PAK5: variants seen among roughly 807,000 people sequenced by gnomAD.
The protein encoded by PAK5 is p21 (RAC1) activated kinase 5.
PAK5 carries 16 observed loss-of-function variants against 65.9 expected under a neutral mutation model. The observed-to-expected ratio is 0.24, with a 90% confidence interval of 0.16 to 0.37. The LOEUF is 0.37. PAK5 is among the 10% of genes least tolerant of loss of function. PAK5 has a pLI of 1.00. For synonymous variants in PAK5, 371 were observed against 354.9 expected (o/e 1.05, Z -0.51); for missense variants, 785 against 903.9 (o/e 0.87, Z 1.69).
chr20:9,827,104 T>C (rs977174400), intron 1 of PAK5, among the ~76,000 whole-genome samples: 1 of 152,250 alleles, frequency 6.6e-6, no homozygotes, highest in Non-Finnish European at 1.5e-5. Flanking sequence ...CTCTACCTCT[T>C]TTTTATTCAC....
chr20:9,602,848 C>T (rs938433369), intron 3 of PAK5, among the ~76,000 whole-genome samples: 2 of 152,164 alleles, frequency 1.3e-5, no homozygotes, highest in African/African-American at 4.8e-5. Context: ...CTTTAGCAGG[C>T]AAAACTATCC....
chr20:9,660,700 G>A (rs746003506), intron 2 of PAK5, among the ~76,000 whole-genome samples: 17 of 152,088 alleles, frequency 1.1e-4, no homozygotes, highest in African/African-American at 3.1e-4. Flanking sequence ...AAAGGATACC[G>A]TTCATTAGAG....
At chr20:9,748,759 TA>T (rs1015195887) in intron 1 of PAK5, among the ~76,000 whole-genome samples, 11 of 152,092 alleles carry the variant, frequency 7.2e-5, no homozygotes, top group Non-Finnish European at 1.3e-4. Flanking sequence ...AAATGTTCCA[TA>T]AAAAAACATA....
chr20:9,772,475 T>C (rs984720924), intron 1 of PAK5, among the ~76,000 whole-genome samples: 5 of 146,168 alleles, frequency 3.4e-5, no homozygotes, highest in African/African-American at 1.3e-4. Context: ...TGGTCAGAGG[T>C]CAATGACACC....
chr20:9,786,670 CTAAGATACACCTATATA>C (rs1569087416), intron 1 of PAK5, among the ~76,000 whole-genome samples: 41 of 152,186 alleles, frequency 2.7e-4, no homozygotes, highest in African/African-American at 9.6e-4. Context: ...TAAATATACT[CTAAGATACACCTATATA>C]ATTGATATGT....
At chr20:9,696,030 AT>A (rs1359837754) in intron 2 of PAK5, among the ~76,000 whole-genome samples, 1 of 152,066 alleles carries the variant, frequency 6.6e-6, no homozygotes, top group African/African-American at 2.4e-5. Context: ...TATCCAAAAT[AT>A]TTTTATTTCA....
intron 9 of PAK5, 59 bp downstream of exon 9, chr20:9,542,527 A>G (rs533960110): frequency 1.9e-6 from 3 of 1,570,688 alleles, no homozygotes; most frequent in South Asian, 2.2e-5. Context: ...TAAAAACCAG[A>G]GAGATACAGG....
At chr20:9,709,306 T>A (rs1477908035) in intron 2 of PAK5, among the ~76,000 whole-genome samples, 2 of 152,150 alleles carry the variant, frequency 1.3e-5, no homozygotes, top group African/African-American at 4.8e-5. Context: ...TTGCTTATGT[T>A]GATGGGCACC....
chr20:9,604,061 G>C (rs972154947), intron 3 of PAK5, among the ~76,000 whole-genome samples: 3 of 152,368 alleles, frequency 2.0e-5, no homozygotes, highest in Non-Finnish European at 2.9e-5. Context: ...AAACACACCT[G>C]ATAGCAATAA....
intron 2 of PAK5, among the ~76,000 whole-genome samples, chr20:9,665,854 C>T (rs2047409981): frequency 6.6e-6 from 1 of 151,960 alleles, no homozygotes; most frequent in African/African-American, 2.4e-5. Context: ...TTTTCCTTCC[C>T]ACTGCTTAGA....
At chr20:9,636,592 A>G (rs2123244842) in intron 3 of PAK5, among the ~76,000 whole-genome samples, 1 of 152,352 alleles carries the variant, frequency 6.6e-6, no homozygotes, top group African/African-American at 2.4e-5. Context: ...AAAGATAAAA[A>G]GAAGATTGTT....
intron 1 of PAK5, among the ~76,000 whole-genome samples, chr20:9,828,976 G>A (rs933198710): frequency 2.0e-5 from 3 of 152,192 alleles, no homozygotes; most frequent in African/African-American, 7.2e-5. Context: ...TAGAAGAGTA[G>A]TAGGGGTATG....
At chr20:9,625,223 A>G (rs534193941) in intron 3 of PAK5, among the ~76,000 whole-genome samples, 24 of 152,288 alleles carry the variant, frequency 1.6e-4, no homozygotes, top group South Asian at 1.2e-3. Flanking sequence ...CTCTAGCTTC[A>G]ACACCATCTC....
At chr20:9,718,244 A>G (rs1472581969) in intron 1 of PAK5, among the ~76,000 whole-genome samples, 1 of 152,092 alleles carries the variant, frequency 6.6e-6, no homozygotes, top group African/African-American at 2.4e-5. Flanking sequence ...AAGATTTACT[A>G]TCAGCTCTAC....
chr20:9,725,338 CAAGA>C (rs1166129043), intron 1 of PAK5, among the ~76,000 whole-genome samples: 2 of 114,970 alleles, frequency 1.7e-5, no homozygotes, highest in Admixed American at 8.7e-5. Context: ...ATTATTAAAA[CAAGA>C]GAGAAATTAA....
chr20:9,652,179 TTACGGGAGAAA>T (rs2047211184), intron 2 of PAK5, among the ~76,000 whole-genome samples: 1 of 152,194 alleles, frequency 6.6e-6, no homozygotes, highest in African/African-American at 2.4e-5. Flanking sequence ...GGTCCTTCAC[TTACGGGAGAAA>T]GGTGACTGTT....
chr20:9,821,438 T>A (rs1377131810), intron 1 of PAK5, among the ~76,000 whole-genome samples: 1 of 152,112 alleles, frequency 6.6e-6, no homozygotes, highest in Non-Finnish European at 1.5e-5. Context: ...AATCCAAGGT[T>A]AACTGTGATT....
chr20:9,796,433 A>G (rs2049105334), intron 1 of PAK5, among the ~76,000 whole-genome samples: 1 of 152,124 alleles, frequency 6.6e-6, no homozygotes, highest in Non-Finnish European at 1.5e-5. Context: ...CTTTGCTTCC[A>G]GGAAATTGGA....
Position 9,542,612 on chromosome 20 carries a change from G to A in PAK5, c.1978C>T (p.Pro660Ser), listed in dbSNP as rs376946110. The A allele has an allele frequency of 3.1e-6, 5 of 1,613,744 alleles. No homozygotes were observed. The African/African-American group carries it at 5.3e-5, about 17-fold the overall frequency. ...QAMRRIRDSL[P>S]PRVKDLHKVS... ...TTGTGTAGGTCCTTCACTCTTGGAGGTAAACTGTCCCGGATCCTCCGCATC... is the reference window on the plus strand; with the variant it reads ...TTGTGTAGGTCCTTCACTCTTGGAGATAAACTGTCCCGGATCCTCCGCATC... Residue 660 changes from proline to serine, a missense_variant, in exon 9 of 10, where the codon CCT becomes TCT. Around this residue, in one of 4 missense-constraint regions of PAK5, gnomAD observed 110 missense variants for 107.4 expected, o/e 1.02. Coordinates refer to ENST00000353224, the MANE Select transcript of PAK5 (RefSeq NM_177990.4).
Sources: allele counts gnomAD v4.1 joint callset (sites outside exome capture counted in the v4.1 genomes callset), GRCh38; gene constraint gnomAD v4.1.1; regional missense constraint gnomAD v4.1.1; transcripts MANE v1.5; gene names NCBI Gene and HGNC (gene_info 2026-07-23, HGNC 2026-07-21).